The following RAB38 variants were observed in gnomAD, a reference collection of about 807,000 sequenced individuals.
RAB38 encodes the protein RAB38, member RAS oncogene family.
RAB38 carries 15 observed loss-of-function variants against 18.4 expected under a neutral mutation model. The observed-to-expected ratio is 0.82, with a 90% CI of 0.55 to 1.26. RAB38 has a LOEUF of 1.26. Ranked by LOEUF, RAB38 falls within the 50% of genes most tolerant of loss-of-function variation. RAB38 has a pLI of 0.00. For missense variants in RAB38, 294 were observed against 267.4 expected, an observed-to-expected ratio of 1.10 and a Z score of -0.69; for synonymous variants, 101 against 104.4, an observed-to-expected ratio of 0.97 and a Z score of 0.20.
At chr11:87,972,709 T>C in the RAB38 span, among the ~76,000 whole-genome samples, 1 of 152,088 alleles carries the variant, frequency 6.6e-6, no homozygotes, top group Admixed American at 6.6e-5. Flanking sequence ...GAATATTTTT[T>C]ACCTATATAT....
chr11:87,880,793 T>A, the RAB38 span, among the ~76,000 whole-genome samples: 16 of 152,002 alleles, frequency 1.1e-4, no homozygotes, highest in Non-Finnish European at 2.2e-4. Context: ...AATTCATTTA[T>A]TCATTTATTC....
At chr11:88,114,257 C>T (rs1470341739) in intron 2 of RAB38, 117 bp from the exon 3 acceptor site, 16 of 1,054,764 alleles carry the variant, frequency 1.5e-5, no homozygotes, top group South Asian at 1.6e-5. Context: ...ACATATGCAT[C>T]CCCCTCCTGT....
the RAB38 span, among the ~76,000 whole-genome samples, chr11:88,042,236 C>T: frequency 4.1e-3 from 622 of 152,280 alleles, 14 homozygotes; most frequent in Admixed American, 0.032. Flanking sequence ...CTCCCAAATA[C>T]GGCTATCTCT....
chr11:87,878,296 AT>A, the RAB38 span, among the ~76,000 whole-genome samples: 16 of 142,368 alleles, frequency 1.1e-4, no homozygotes, highest in Admixed American at 2.9e-4. Context: ...CTATCTATCT[AT>A]CTACCTATCA....
intron 2 of RAB38, among the ~76,000 whole-genome samples, chr11:88,123,098 C>A (rs1000603534): frequency 1.3e-5 from 2 of 152,212 alleles, no homozygotes; most frequent in Admixed American, 1.3e-4. Context: ...AATCTCCTGT[C>A]TCCTTCTTCT....
At chr11:87,848,625 A>G in the RAB38 span, among the ~76,000 whole-genome samples, 17 of 152,122 alleles carry the variant, frequency 1.1e-4, no homozygotes, top group African/African-American at 2.9e-4. Flanking sequence ...AAATTTAAAG[A>G]TGTCTTTCTT....
chr11:87,963,644 T>G, the RAB38 span, among the ~76,000 whole-genome samples: 16 of 142,588 alleles, frequency 1.1e-4, no homozygotes, highest in African/African-American at 4.1e-4. Context: ...TGTATATTTC[T>G]TTTTTTCTTT....
the RAB38 span, among the ~76,000 whole-genome samples, chr11:87,964,223 T>C: frequency 2.0e-5 from 3 of 152,078 alleles, no homozygotes; most frequent in African/African-American, 4.8e-5. Flanking sequence ...TTGACCGATC[T>C]CAGCAAGATG....
chr11:87,911,453 G>A, the RAB38 span, among the ~76,000 whole-genome samples: 85 of 152,012 alleles, frequency 5.6e-4, no homozygotes, highest in Non-Finnish European at 1.1e-3. Context: ...GCTTCACAAG[G>A]TTTTTATTGT....
the RAB38 span, among the ~76,000 whole-genome samples, chr11:87,850,231 GTTC>G: frequency 6.6e-6 from 1 of 152,050 alleles, no homozygotes; most frequent in Non-Finnish European, 1.5e-5. Flanking sequence ...AATAATATCA[GTTC>G]TTCTGCAGCC....
At chr11:87,842,196 A>C in the RAB38 span, among the ~76,000 whole-genome samples, 5 of 152,210 alleles carry the variant, frequency 3.3e-5, no homozygotes, top group African/African-American at 9.6e-5. Flanking sequence ...ACTAGACCAG[A>C]ATAAATAATG....
chr11:88,110,834 A>T (rs1942465122), downstream of RAB38, among the ~76,000 whole-genome samples: 1 of 151,730 alleles, frequency 6.6e-6, no homozygotes, highest in Non-Finnish European at 1.5e-5. Context: ...AAAAGAAAAA[A>T]GAAAAGAAAA....
At chr11:88,011,392 T>C in the RAB38 span, among the ~76,000 whole-genome samples, 1 of 152,218 alleles carries the variant, frequency 6.6e-6, no homozygotes, top group Non-Finnish European at 1.5e-5. Flanking sequence ...TATCAAGATG[T>C]ATGCGTATTA....
At chr11:87,978,037 A>ATATTTTTATTATAT in the RAB38 span, among the ~76,000 whole-genome samples, 18 of 104,276 alleles carry the variant, frequency 1.7e-4, no homozygotes, top group Admixed American at 5.2e-4. Context: ...ACACATACAT[A>ATATTTTTATTATAT]ATACATCTAT....
intron 2 of RAB38, among the ~76,000 whole-genome samples, chr11:88,119,681 A>C (rs940437313): frequency 2.6e-5 from 4 of 152,118 alleles, no homozygotes; most frequent in African/African-American, 9.7e-5. Flanking sequence ...AAAAAAAAAA[A>C]AAAATCCTAG....
the RAB38 span, among the ~76,000 whole-genome samples, chr11:87,893,386 A>ATGTGTG: frequency 1.1e-4 from 10 of 92,652 alleles, no homozygotes; most frequent in Admixed American, 7.2e-4. Flanking sequence ...ATATATATAT[A>ATGTGTG]TATATTTTTT....
At chr11:87,960,212 T>G in the RAB38 span, among the ~76,000 whole-genome samples, 3 of 152,064 alleles carry the variant, frequency 2.0e-5, no homozygotes, top group African/African-American at 7.2e-5. Flanking sequence ...CTTATTACAA[T>G]GCAGATTCCT....
At chr11:88,014,387 C>A in the RAB38 span, among the ~76,000 whole-genome samples, 2 of 152,026 alleles carry the variant, frequency 1.3e-5, no homozygotes, top group Non-Finnish European at 2.9e-5. Context: ...ACAGAATGAC[C>A]CCGGTCTGTT....
the RAB38 span, among the ~76,000 whole-genome samples, chr11:87,963,391 G>A: frequency 3.3e-5 from 5 of 151,938 alleles, no homozygotes; most frequent in Non-Finnish European, 2.9e-5. Flanking sequence ...AAAAAATGTG[G>A]GCATTTCTGT....
Sources: gnomAD v4.1 joint callset for allele counts (sites outside exome capture counted in the v4.1 genomes callset) on GRCh38, gnomAD v4.1.1 for gene constraint, MANE v1.5 for transcripts, NCBI Gene and HGNC (gene_info 2026-07-23, HGNC 2026-07-21) for gene names.